The following TGFBI variants were observed in gnomAD, a reference collection of about 807,000 sequenced individuals.
TGFBI encodes transforming growth factor-beta-induced protein ig-h3.
TGFBI carries 50 observed loss-of-function variants against 73.7 expected under a neutral mutation model. The observed-to-expected ratio is 0.68, with a 90% CI of 0.54 to 0.86. TGFBI has a LOEUF of 0.86. Ranked by LOEUF, TGFBI falls within the 40% of genes least tolerant of loss-of-function variation. The pLI, the probability that TGFBI is intolerant of heterozygous loss-of-function variation, is 0.00. For missense variants in TGFBI, 839 were observed against 877.0 expected (o/e 0.96, Z 0.55); for synonymous variants, 362 against 360.5 (o/e 1.00, Z -0.05).
At chr5:136,031,911 A>G (rs745995168) in intron 1 of TGFBI, among the ~76,000 whole-genome samples, 4 of 152,302 alleles carry the variant, frequency 2.6e-5, no homozygotes, top group South Asian at 2.1e-4. Flanking sequence ...GCAGCAGTGG[A>G]AACATTCAGC....
At chr5:136,053,610 T>C (rs1267614433) in intron 8 of TGFBI, among the ~76,000 whole-genome samples, 1 of 151,928 alleles carries the variant, frequency 6.6e-6, no homozygotes, top group Non-Finnish European at 1.5e-5. Context: ...TGGGTGTGGT[T>C]GCTGGCCTTA....
intron 10 of TGFBI, 132 bp from the exon 11 acceptor site, chr5:136,055,548 C>A (rs1751613840): frequency 3.8e-6 from 3 of 780,446 alleles, no homozygotes; most frequent in Non-Finnish European, 5.4e-6. Flanking sequence ...TTATCCCAGC[C>A]TTAATAACCC....
Position 136,063,672 on chromosome 5 carries a change from T to TTA in TGFBI, c.*446_*447insTA. ...CATTATAAGCTATGAGTTGAAATGT[T>TTA]CTGTCAAATGTGTCTCACATCTACA... On this transcript the variant is annotated 3_prime_UTR_variant, in exon 17 of 17. Transcript: ENST00000442011. 5.9e-6 allele frequency: 1 copy of TTA among 168,460 alleles called. No homozygotes were observed. The highest frequency in any genetic ancestry group is 1.7e-4 in the South Asian group (1 of 5,924). 10.4% of individuals were successfully genotyped at this position (168,460 alleles called of 1,614,324 possible). A position where few individuals can be genotyped will look rare whatever the true frequency, so the allele number is the denominator to read the frequency against.
intron 10 of TGFBI, 125 bp downstream of exon 10, chr5:136,054,986 A>T: frequency 1.7e-6 from 2 of 1,184,042 alleles, no homozygotes; most frequent in African/African-American, 1.5e-5. Flanking sequence ...CAAGGAAGGA[A>T]ATAATTTCTG....
At chr5:136,042,443 T>C (rs531844346) in intron 2 of TGFBI, among the ~76,000 whole-genome samples, 1 of 152,240 alleles carries the variant, frequency 6.6e-6, no homozygotes, top group Admixed American at 6.5e-5. Context: ...ATTCTAGCAC[T>C]GTTTCTCTTA....
chr5:136,044,860 G>A (rs1751400607), intron 3 of TGFBI: 1 of 152,184 alleles, frequency 6.6e-6, no homozygotes, highest in Admixed American at 6.5e-5. Context: ...TCAAGTCCCT[G>A]ATATAAAGTG....
At chr5:136,033,491 C>T (rs1397652776) in intron 1 of TGFBI, among the ~76,000 whole-genome samples, 1 of 152,148 alleles carries the variant, frequency 6.6e-6, no homozygotes, top group African/African-American at 2.4e-5. Context: ...ATCAATTGCC[C>T]ATGTCAAAGA....
chr5:136,043,191 T>C (rs1336814104), intron 2 of TGFBI, among the ~76,000 whole-genome samples: 1 of 152,170 alleles, frequency 6.6e-6, no homozygotes, highest in Non-Finnish European at 1.5e-5. Context: ...AACCTGGGGA[T>C]TTGGTTTTAA....
At chr5:136,048,855 C>A (rs1311226673) in intron 6 of TGFBI, 2 of 153,188 alleles carry the variant, frequency 1.3e-5, no homozygotes, top group Non-Finnish European at 2.9e-5. Context: ...CCAGGACTTG[C>A]AGACCTGGGA....
intron 2 of TGFBI, among the ~76,000 whole-genome samples, chr5:136,039,813 T>A (rs865803510): frequency 1.3e-5 from 2 of 152,206 alleles, no homozygotes; most frequent in African/African-American, 4.8e-5. Flanking sequence ...TGATTTTCTA[T>A]TGGGAGGCTT....
chr5:136,046,551 C>T (rs756986715), intron 4 of TGFBI, 56 bp downstream of exon 4: 113 of 1,521,546 alleles, frequency 7.4e-5, no homozygotes, highest in Non-Finnish European at 9.6e-5. Context: ...CTTACTTCCC[C>T]GAGGGGTGGG....
Position 136,055,745 on chromosome 5 carries a change from C to A in TGFBI, c.1476C>A (p.Phe492Leu), listed in dbSNP as rs376760680. The change falls in exon 11 of 17, where the codon TTC becomes TTA. Residue 492 changes from phenylalanine to leucine, a missense_variant. By Grantham distance (22) the Phe-to-Leu change is conservative (BLOSUM62 0). Transcript: ENST00000442011. The stretch of plus-strand genomic sequence containing the variant: ...AGAGGGGGAGGTACGGGACCCTGTT[C>A]ACGATGGACCGGGTGCTGACCCCCC... The part of the protein sequence containing the change: ...HDKRGRYGTL[F>L]TMDRVLTPPM... 17 of 1,612,792 alleles carry A rather than the reference C, an allele frequency of 1.1e-5. No homozygotes were observed. The African/African-American group carries it at 1.3e-4, about 13-fold the overall frequency.
chr5:136,054,455 G>A (rs980731368), intron 9 of TGFBI, among the ~76,000 whole-genome samples: 1 of 152,194 alleles, frequency 6.6e-6, no homozygotes, highest in African/African-American at 2.4e-5. Flanking sequence ...GCCCCAGGAA[G>A]GCAGAGAAGG....
At position 136,059,087 on chromosome 5, in the gene TGFBI, C is replaced by A. The variant is rs774875864; in HGVS notation, c.1679-3C>A. 1 of 1,610,676 alleles carries A rather than the reference C, an allele frequency of 6.2e-7. No homozygotes were observed. ...CTCTATCTCCTTTTCCCGCAACCTG[C>A]AGGAGATGCCAAGGAACTTGCCAAC... On this transcript the variant is annotated splice_region_variant and splice_polypyrimidine_tract_variant and intron_variant, in intron 12 of 16. Transcript: ENST00000442011.
rs2126919061 is a variant in TGFBI, at chr5:136,063,330, T to C, written c.*104T>C. On this transcript the variant is annotated 3_prime_UTR_variant, in exon 17 of 17. Transcript: ENST00000442011. The stretch of plus-strand genomic sequence containing the variant: ...GTTTTCAAAACCAAGTATCACACTT[T>C]AATGTACATGGGCCGCACCATAATG... 1 of 1,034,390 alleles carries C rather than the reference T, an allele frequency of 9.7e-7. No homozygotes were observed. Among genetic ancestry groups the C allele is most frequent in the Non-Finnish European group, 1.5e-6 (1 of 673,388 alleles). The allele number at this position is 1,034,390 out of a possible 1,614,324, so 64.1% of individuals were successfully genotyped here. A position where few individuals can be genotyped will look rare whatever the true frequency, so the allele number is the denominator to read the frequency against.
In TGFBI at chr5:136,055,709, G is replaced by A. The variant is rs145354485; in HGVS notation, c.1440G>A (p.Ala480=). The A allele has an allele frequency of 4.0e-5, 64 of 1,609,346 alleles. No homozygotes were observed. The African/African-American group carries it at 5.1e-4, about 13-fold the overall frequency. ...TCTGCATTGAGAACAGCTGCATCGC[G>A]GCCCACGACAAGAGGGGGAGGTACG... The part of the protein sequence containing the change: ...NSLCIENSCI[A]AHDKRGRYGT... Residue 480 remains alanine, a synonymous_variant, in exon 11 of 17, where the codon GCG becomes GCA. Transcript: ENST00000442011.
At chr5:136,049,230 G>A in intron 6 of TGFBI, 1 of 561,804 alleles carries the variant, frequency 1.8e-6, no homozygotes, top group Non-Finnish European at 3.1e-6. Flanking sequence ...TTAAGGACAT[G>A]AAAGATGGCC....
chr5:136,041,108 A>C (rs1160899157), intron 2 of TGFBI, among the ~76,000 whole-genome samples: 1 of 152,236 alleles, frequency 6.6e-6, no homozygotes, highest in African/African-American at 2.4e-5. Context: ...AGGCAGGTGG[A>C]CTGCCAGCTT....
chr5:136,050,386 A>G (rs1412725949), intron 7 of TGFBI, among the ~76,000 whole-genome samples: 3 of 151,852 alleles, frequency 2.0e-5, no homozygotes, highest in East Asian at 3.8e-4. Flanking sequence ...TCTCCATTTC[A>G]GATTTCGTCA....
Sources: allele counts gnomAD v4.1 joint callset (sites outside exome capture counted in the v4.1 genomes callset), GRCh38; gene constraint gnomAD v4.1.1; transcripts MANE v1.5; gene names NCBI Gene and HGNC (gene_info 2026-07-23, HGNC 2026-07-21).